The following MOB4 variants were observed in gnomAD, a reference collection of about 807,000 sequenced individuals.
MOB4 encodes the protein MOB-like protein phocein.
MOB4 carries 4 observed loss-of-function variants against 32.2 expected under a neutral mutation model. The observed-to-expected ratio is 0.12, with a 90% confidence interval of 0.06 to 0.28. The LOEUF (loss-of-function observed/expected upper bound fraction) is 0.28, where lower values mean the gene tolerates loss of function less well. Ranked by LOEUF, MOB4 falls within the 10% of genes least tolerant of loss-of-function variation. MOB4 has a pLI of 1.00. For synonymous variants in MOB4, 88 were observed against 88.1 expected, an observed-to-expected ratio of 1.00 and a Z score of 0.01; for missense variants, 158 against 271.2, an observed-to-expected ratio of 0.58 and a Z score of 2.93.
chr2:197,523,840 A>C (rs1333983942), intron 2 of MOB4, among the ~76,000 whole-genome samples, 154 bp downstream of exon 2: 3 of 152,152 alleles, frequency 2.0e-5, no homozygotes, highest in Non-Finnish European at 4.4e-5. Context: ...TCCTTTTACA[A>C]CTCCAATAAC....
intron 1 of MOB4, 149 bp downstream of exon 1, chr2:197,516,295 C>T (rs1044051229): frequency 2.8e-6 from 4 of 1,441,668 alleles, no homozygotes; most frequent in Admixed American, 6.1e-5. Context: ...GGAGCTGCAG[C>T]CCCTCAATTT....
At chr2:197,515,723 T>TGTAGA, upstream of MOB4, 1 of 291,558 alleles carries the variant, frequency 3.4e-6, no homozygotes, top group South Asian at 4.3e-5. Context: ...ACGAAGTTCG[T>TGTAGA]TCTTCCCGTG....
chr2:197,548,304 G>T, intron 5 of MOB4, 32 bp from the exon 6 acceptor site: 1 of 1,570,550 alleles, frequency 6.4e-7, no homozygotes, highest in Non-Finnish European at 8.7e-7. Context: ...AGAGCTCTTT[G>T]TTGATGCATT....
At chr2:197,542,871 C>T (rs1401553600) in intron 5 of MOB4, among the ~76,000 whole-genome samples, 1 of 152,122 alleles carries the variant, frequency 6.6e-6, no homozygotes, top group Non-Finnish European at 1.5e-5. Flanking sequence ...TGCAAAATGT[C>T]ATCCAAATTA....
At chr2:197,550,245 A>G in intron 6 of MOB4, 30 bp from the exon 7 acceptor site, 1 of 1,581,704 alleles carries the variant, frequency 6.3e-7, no homozygotes, top group Non-Finnish European at 8.6e-7. Context: ...ATCCAGTTCT[A>G]AGAATCTATG....
rs2087091101 is a variant in MOB4 at position 197,551,153 on chromosome 2, T to G, written c.*507T>G. On this transcript the variant is annotated 3_prime_UTR_variant, in exon 8 of 8. Coordinates refer to ENST00000323303, the MANE Select transcript of MOB4 (RefSeq NM_015387.5). ...AAAATTCTGTTTATAGTTTTTGATATGCATATATAATTATGTGTATATCTA... is the reference window on the plus strand; with the variant it reads ...AAAATTCTGTTTATAGTTTTTGATAGGCATATATAATTATGTGTATATCTA... The G allele has an allele frequency of 6.6e-6, 1 of 152,406 alleles. No individual in the cohort carries two copies. Among genetic ancestry groups the G allele is most frequent in the South Asian group, 2.1e-4 (1 of 4,838 alleles). 9.4% of individuals were successfully genotyped at this position (152,406 alleles called of 1,614,324 possible).
At chr2:197,533,903 T>C in intron 2 of MOB4, 1 of 623,998 alleles carries the variant, frequency 1.6e-6, no homozygotes, top group Non-Finnish European at 3.1e-6. Flanking sequence ...AGATGAAAAC[T>C]GAGTAATAAA....
At chr2:197,522,323 CT>C (rs57163165) in intron 1 of MOB4, among the ~76,000 whole-genome samples, 4,433 of 66,512 alleles carry the variant, frequency 0.067, 14 homozygotes, top group African/African-American at 0.11. Context: ...GGGTGATTAC[CT>C]TTTTTTTTTT....
intron 2 of MOB4, among the ~76,000 whole-genome samples, chr2:197,531,835 G>T (rs542663437): frequency 6.6e-6 from 1 of 152,006 alleles, no homozygotes; most frequent in Non-Finnish European, 1.5e-5. Flanking sequence ...GAGCCACCTC[G>T]TCCAGCCTTC....
chr2:197,526,474 G>A (rs1370111827), intron 2 of MOB4, among the ~76,000 whole-genome samples: 1 of 151,998 alleles, frequency 6.6e-6, no homozygotes, highest in African/African-American at 2.4e-5. Flanking sequence ...CCGCCCCTGC[G>A]CCTGGTTAAT....
At chr2:197,515,978 C>A, upstream of MOB4, 1 of 1,183,340 alleles carries the variant, frequency 8.5e-7, no homozygotes, top group Non-Finnish European at 1.2e-6. Context: ...GCTGTTCCGT[C>A]AGCTGCCGCT....
At chr2:197,538,137 G>GA (rs1425652679) in intron 3 of MOB4, among the ~76,000 whole-genome samples, 1 of 139,364 alleles carries the variant, frequency 7.2e-6, no homozygotes, top group Non-Finnish European at 1.6e-5. Context: ...TGTTACAAGG[G>GA]TTTTTTTTTT....
intron 5 of MOB4, among the ~76,000 whole-genome samples, chr2:197,543,057 C>T (rs899885820): frequency 2.0e-5 from 3 of 151,998 alleles, no homozygotes; most frequent in Admixed American, 6.6e-5. Flanking sequence ...TTTGGGAGGC[C>T]GAGGCAGGTG....
chr2:197,531,598 C>G (rs2086705973), intron 2 of MOB4, among the ~76,000 whole-genome samples: 1 of 152,050 alleles, frequency 6.6e-6, no homozygotes, highest in East Asian at 1.9e-4. Flanking sequence ...CGGAGTCTTG[C>G]TCTGTCGCCC....
At chr2:197,524,144 G>T (rs1422772413) in intron 2 of MOB4, among the ~76,000 whole-genome samples, 1 of 151,898 alleles carries the variant, frequency 6.6e-6, no homozygotes, top group African/African-American at 2.4e-5. Flanking sequence ...GTCTGAGGTG[G>T]GGAGATCACT....
chr2:197,516,464 A>G, intron 1 of MOB4: 2 of 1,122,708 alleles, frequency 1.8e-6, no homozygotes, highest in Non-Finnish European at 2.4e-6. Context: ...CCTGAGCCCC[A>G]GCTGACTAGC....
intron 1 of MOB4, among the ~76,000 whole-genome samples, chr2:197,519,908 C>T (rs1254965633): frequency 6.6e-6 from 1 of 152,076 alleles, no homozygotes; most frequent in African/African-American, 2.4e-5. Flanking sequence ...AAAAGGAATC[C>T]TGGAACCATT....
chr2:197,533,754 A>G, intron 2 of MOB4: 1 of 360,616 alleles, frequency 2.8e-6, no homozygotes, highest in Non-Finnish European at 5.4e-6. Flanking sequence ...AAAGTATTTG[A>G]TCCCTTTCCC....
intron 2 of MOB4, among the ~76,000 whole-genome samples, chr2:197,532,646 A>C (rs536203744): frequency 6.6e-6 from 1 of 152,282 alleles, no homozygotes; most frequent in African/African-American, 2.4e-5. Flanking sequence ...AGATAGCGCC[A>C]CTGCACTCTA....
Sources: allele counts gnomAD v4.1 joint callset (sites outside exome capture counted in the v4.1 genomes callset), GRCh38; gene constraint gnomAD v4.1.1; transcripts MANE v1.5; gene names NCBI Gene and HGNC (gene_info 2026-07-23, HGNC 2026-07-21).